The following CCDC7 variants were observed in gnomAD, a reference collection of about 807,000 sequenced individuals.
CCDC7 encodes the protein coiled-coil domain-containing protein 7.
CCDC7 carries 183 observed loss-of-function variants against 196.9 expected under a neutral mutation model. That is an observed-to-expected ratio of 0.93 (90% CI 0.82 to 1.05). The LOEUF is 1.05. CCDC7 is among the 50% of genes least tolerant of loss of function. CCDC7 has a pLI of 0.00. For missense variants in CCDC7, 1,540 were observed against 1,482.2 expected, an observed-to-expected ratio of 1.04 and a Z score of -0.64; for synonymous variants, 525 against 484.6, an observed-to-expected ratio of 1.08 and a Z score of -1.10.
At chr10:32,699,806 G>A (rs1354906302) in intron 24 of CCDC7, among the ~76,000 whole-genome samples, 1 of 149,584 alleles carries the variant, frequency 6.7e-6, no homozygotes, top group Admixed American at 6.6e-5. Flanking sequence ...GATGGCCAGT[G>A]ATGATGAGCA....
chr10:32,838,983 A>AG (rs1359119378), intron 33 of CCDC7, among the ~76,000 whole-genome samples: 2 of 152,000 alleles, frequency 1.3e-5, no homozygotes, highest in African/African-American at 4.8e-5. Context: ...TGCTAAAAGG[A>AG]GCTCTAAATC....
intron 13 of CCDC7, among the ~76,000 whole-genome samples, chr10:32,562,682 C>T (rs899949655): frequency 3.9e-5 from 6 of 152,016 alleles, no homozygotes; most frequent in Non-Finnish European, 8.8e-5. Flanking sequence ...GACAAACCCA[C>T]AGCCAATATC....
chr10:32,836,280 T>C (rs931604555), intron 33 of CCDC7, among the ~76,000 whole-genome samples: 10 of 152,126 alleles, frequency 6.6e-5, no homozygotes, highest in Non-Finnish European at 1.2e-4. Context: ...AATCTTCTTG[T>C]TGTGGAGAAA....
chr10:32,657,537 AT>A (rs2070226206), intron 20 of CCDC7, among the ~76,000 whole-genome samples: 1 of 152,212 alleles, frequency 6.6e-6, no homozygotes, highest in African/African-American at 2.4e-5. Flanking sequence ...TATTTCAGGA[AT>A]GGCTGGAGGT....
At chr10:32,828,428 AAGGAAGGAAGG>A (rs2091484271) in intron 32 of CCDC7, among the ~76,000 whole-genome samples, 2 of 111,928 alleles carry the variant, frequency 1.8e-5, no homozygotes, top group Admixed American at 9.7e-5. Flanking sequence ...GAAGAAGAAG[AAGGAAGGAAGG>A]AGAAGAAGAA....
intron 18 of CCDC7, among the ~76,000 whole-genome samples, chr10:32,597,695 G>C (rs539404072): frequency 6.6e-6 from 1 of 152,172 alleles, no homozygotes; most frequent in Admixed American, 6.5e-5. Context: ...CGCACAGATG[G>C]GGTTTGGTGT....
chr10:32,601,596 T>C (rs1451408226), intron 18 of CCDC7, among the ~76,000 whole-genome samples: 1 of 152,166 alleles, frequency 6.6e-6, no homozygotes, highest in Non-Finnish European at 1.5e-5. Flanking sequence ...CTTTTCTGTC[T>C]AGCTAAAGGA....
intron 8 of CCDC7, among the ~76,000 whole-genome samples, chr10:32,489,025 A>AAGCCTGACAGAAT (rs1350611067): frequency 6.6e-6 from 1 of 152,168 alleles, no homozygotes; most frequent in Non-Finnish European, 1.5e-5. Flanking sequence ...AACAGTGGGA[A>AAGCCTGACAGAAT]AGCCTGACAG....
chr10:32,527,960 A>G (rs1303991015), intron 11 of CCDC7, among the ~76,000 whole-genome samples: 1 of 152,100 alleles, frequency 6.6e-6, no homozygotes, highest in Non-Finnish European at 1.5e-5. Flanking sequence ...CAGGACTTTT[A>G]AGTTCTCCAT....
At chr10:32,636,790 T>G (rs2065736234) in intron 20 of CCDC7, among the ~76,000 whole-genome samples, 1 of 152,252 alleles carries the variant, frequency 6.6e-6, no homozygotes, top group Non-Finnish European at 1.5e-5. Flanking sequence ...TCCAGATCCC[T>G]GAAGAATCGC....
chr10:32,636,799 G>A (rs1261548393), intron 20 of CCDC7, among the ~76,000 whole-genome samples: 3 of 152,178 alleles, frequency 2.0e-5, no homozygotes, highest in Non-Finnish European at 4.4e-5. Context: ...CTGAAGAATC[G>A]CCACACAGAC....
At position 32,836,432 on chromosome 10, in the gene CCDC7, G is replaced by A. The variant is rs558597088; in HGVS notation, c.3352+1534G>A. ...ATCCAGTTTTTATTCTAAAATTCTAGTTCTAGATCCTTGAGGAATCACCAC... is the reference window on the plus strand; with the variant it reads ...ATCCAGTTTTTATTCTAAAATTCTAATTCTAGATCCTTGAGGAATCACCAC... On this transcript the variant is annotated intron_variant, in intron 33 of 41. Transcript: ENST00000639629. Among the ~76,000 whole-genome samples, 1,201 of 152,180 alleles carry A rather than the reference G, an allele frequency of 7.9e-3. 6 individuals carry two copies. The highest frequency in any genetic ancestry group is 0.02 in the Middle Eastern group (6 of 294).
rs186652950 is a variant in CCDC7, at chr10:32,644,266, C to T, written c.2014+9108C>T. ...CACTACAATGTTATTTGCTGTAGTACCCTACTGTGGAACAGAACACTAAAA... is the reference window on the plus strand; with the variant it reads ...CACTACAATGTTATTTGCTGTAGTATCCTACTGTGGAACAGAACACTAAAA... On this transcript the variant is annotated intron_variant, in intron 20 of 41. Transcript: ENST00000639629. Among the ~76,000 whole-genome samples the T allele has an allele frequency of 1.2e-3, 181 of 152,182 alleles. 1 individual carries two copies. Among genetic ancestry groups the T allele is most frequent in the Admixed American group, 2.8e-3 (43 of 15,282 alleles).
intron 21 of CCDC7, among the ~76,000 whole-genome samples, chr10:32,669,053 A>T (rs1031983647): frequency 6.6e-6 from 1 of 152,060 alleles, no homozygotes; most frequent in African/African-American, 2.4e-5. Context: ...TATGGCTTTT[A>T]TTGTGGTGAG....
chr10:32,480,929 T>C (rs1031564908), intron 8 of CCDC7, among the ~76,000 whole-genome samples: 7 of 152,206 alleles, frequency 4.6e-5, no homozygotes, highest in Non-Finnish European at 1.0e-4. Context: ...GATTTGTCCA[T>C]TATTGAATGT....
At chr10:32,642,780 T>G (rs2067077782) in intron 20 of CCDC7, among the ~76,000 whole-genome samples, 1 of 152,218 alleles carries the variant, frequency 6.6e-6, no homozygotes, top group African/African-American at 2.4e-5. Context: ...GAGCTGTTCC[T>G]GTTCAGCCAT....
rs147625625 is a variant in CCDC7 at position 32,652,042 on chromosome 10, C to T, written c.2015-12012C>T. The stretch of plus-strand genomic sequence containing the variant: ...GAATTCCCCTCCTATTATTGTATCA[C>T]GTTCAATCGCTTTTAGTCTGTTAAT... On this transcript the variant is annotated intron_variant, in intron 20 of 41. Transcript: ENST00000639629. Among the ~76,000 whole-genome samples the T allele has an allele frequency of 1.3e-4, 20 of 152,238 alleles. No homozygotes were observed. In the East Asian group the frequency reaches 3.3e-3, roughly 25 times the overall value.
chr10:32,863,515 G>A (rs926741399), intron 41 of CCDC7, among the ~76,000 whole-genome samples: 12 of 151,968 alleles, frequency 7.9e-5, no homozygotes, highest in African/African-American at 2.9e-4. Context: ...ACCACATTCA[G>A]CTATTTTTTT....
At chr10:32,727,921 G>C (rs545087474) in intron 26 of CCDC7, among the ~76,000 whole-genome samples, 113 of 152,086 alleles carry the variant, frequency 7.4e-4, no homozygotes, top group Non-Finnish European at 1.4e-3. Context: ...CTTGATTGTA[G>C]AACCAAAGGA....
Sources: allele counts gnomAD v4.1 joint callset (sites outside exome capture counted in the v4.1 genomes callset), GRCh38; gene constraint gnomAD v4.1.1; transcripts MANE v1.5; gene names NCBI Gene and HGNC (gene_info 2026-07-23, HGNC 2026-07-21).